Variants in NAALADL2 observed in about 807,000 individuals in gnomAD.
The protein encoded by NAALADL2 is N-acetylated alpha-linked acidic dipeptidase like 2.
A neutral mutation model predicts 87.2 loss-of-function variants in NAALADL2; 76 were observed. The observed-to-expected ratio is 0.87, with a 90% CI of 0.72 to 1.05. The LOEUF (loss-of-function observed/expected upper bound fraction) is 1.05. NAALADL2 is among the 50% of genes least tolerant of loss of function. The pLI is 0.00. For missense variants in NAALADL2, 1,089 were observed against 945.8 expected (o/e 1.15, Z -1.99); for synonymous variants, 354 against 331.0 (o/e 1.07, Z -0.75).
intron 3 of NAALADL2, among the ~76,000 whole-genome samples, chr3:174,741,668 T>C (rs957201275): frequency 6.6e-6 from 1 of 151,610 alleles, no homozygotes; most frequent in African/African-American, 2.4e-5. Flanking sequence ...GGGGAAAAAC[T>C]CCAACTCATT....
At chr3:175,478,518 C>A (rs1053965662) in intron 9 of NAALADL2, among the ~76,000 whole-genome samples, 6 of 151,854 alleles carry the variant, frequency 4.0e-5, no homozygotes, top group Non-Finnish European at 5.9e-5. Context: ...TAGTGAGATT[C>A]TGCTTAAAAC....
chr3:174,882,471 G>A (rs1471457864), intron 1 of NAALADL2, among the ~76,000 whole-genome samples: 1 of 150,660 alleles, frequency 6.6e-6, no homozygotes, highest in South Asian at 2.1e-4. Flanking sequence ...ATATACATAT[G>A]TGTATGCATA....
rs1380728094 is a variant in NAALADL2 at position 175,805,954 on chromosome 3, T to C, written c.*2751T>C. ...TATCAATTACCCCCACCAGATATAG[T>C]AACTAAACCCAAAGTGAGTAAGAAA... On this transcript the variant is annotated 3_prime_UTR_variant, in exon 14 of 14. Coordinates refer to ENST00000454872, the MANE Select transcript of NAALADL2 (RefSeq NM_207015.3). The C allele has an allele frequency of 6.6e-6, 1 of 151,898 alleles. No homozygotes were observed. The highest frequency in any genetic ancestry group is 1.5e-5 in the Non-Finnish European group (1 of 67,882). 9.4% of individuals were successfully genotyped at this position (151,898 alleles called of 1,614,324 possible). A position where few individuals can be genotyped will look rare whatever the true frequency, so the allele number is the denominator to read the frequency against.
chr3:175,664,160 T>A (rs1332004518), intron 11 of NAALADL2, among the ~76,000 whole-genome samples: 1 of 152,078 alleles, frequency 6.6e-6, no homozygotes, highest in African/African-American at 2.4e-5. Context: ...ACGCTCATGC[T>A]CATAGTTATC....
intron 3 of NAALADL2, among the ~76,000 whole-genome samples, chr3:174,739,506 G>A (rs1359811306): frequency 6.6e-6 from 1 of 151,956 alleles, no homozygotes; most frequent in Admixed American, 6.6e-5. Context: ...TACTTATAGA[G>A]CTTTTCAGTT....
intron 2 of NAALADL2, among the ~76,000 whole-genome samples, chr3:174,590,405 G>T (rs1717236990): frequency 6.6e-6 from 1 of 151,982 alleles, no homozygotes; most frequent in African/African-American, 2.4e-5. Context: ...GGCTTGCATG[G>T]ATTTTTTTTG....
chr3:174,882,625 A>G (rs868222486), intron 1 of NAALADL2, among the ~76,000 whole-genome samples: 11 of 89,670 alleles, frequency 1.2e-4, no homozygotes, highest in African/African-American at 4.5e-4. Flanking sequence ...ATATGCATAT[A>G]TGTGCATATA....
At chr3:175,628,643 T>C (rs1727339907) in intron 11 of NAALADL2, among the ~76,000 whole-genome samples, 1 of 130,802 alleles carries the variant, frequency 7.6e-6, no homozygotes, top group African/African-American at 2.9e-5. Context: ...ATATGAATTA[T>C]TTATATTTTT....
intron 2 of NAALADL2, among the ~76,000 whole-genome samples, chr3:174,735,855 G>C (rs759027351): frequency 6.6e-6 from 1 of 152,150 alleles, no homozygotes; most frequent in Non-Finnish European, 1.5e-5. Flanking sequence ...CACTGGGCTC[G>C]TTCTGCCCAC....
At chr3:175,615,718 C>A (rs1004838685) in intron 10 of NAALADL2, among the ~76,000 whole-genome samples, 14 of 151,558 alleles carry the variant, frequency 9.2e-5, no homozygotes, top group African/African-American at 3.4e-4. Context: ...ATCAGCCAGG[C>A]GTGTGGCACG....
chr3:175,027,482 A>G (rs1398898344), intron 1 of NAALADL2, among the ~76,000 whole-genome samples: 1 of 152,148 alleles, frequency 6.6e-6, no homozygotes, highest in African/African-American at 2.4e-5. Flanking sequence ...TATGTAATAC[A>G]ATAAGTTCAA....
At chr3:175,745,735 A>G (rs191601223) in intron 12 of NAALADL2, among the ~76,000 whole-genome samples, 2 of 152,308 alleles carry the variant, frequency 1.3e-5, no homozygotes, top group African/African-American at 2.4e-5. Context: ...GGAAGGTATC[A>G]AAAACAAATA....
chr3:175,521,864 T>C lies in NAALADL2; in HGVS notation c.1653+50106T>C, dbSNP rs554139004. On this transcript the variant is annotated intron_variant, in intron 9 of 13. Coordinates refer to ENST00000454872, the MANE Select transcript of NAALADL2 (RefSeq NM_207015.3). ...GTCAGTTGTTTTAAGCCATGCAGTT[T>C]GCAGTGCTTTGTCACATCAGCCCTA... 5.3e-4 allele frequency among the ~76,000 whole-genome samples: 80 copies of C among 152,308 alleles called. No individual in the cohort carries two copies. The South Asian group carries it at 0.016, about 31-fold the overall frequency.
chr3:174,922,975 A>G (rs1735456734), intron 1 of NAALADL2, among the ~76,000 whole-genome samples: 1 of 152,192 alleles, frequency 6.6e-6, no homozygotes, highest in African/African-American at 2.4e-5. Flanking sequence ...CTTGTTCATT[A>G]GAAAGTATCT....
intron 1 of NAALADL2, chr3:174,540,830 A>G (rs1023867776): frequency 6.6e-6 from 1 of 152,196 alleles, no homozygotes; most frequent in East Asian, 1.9e-4. Flanking sequence ...GTTGCCTTGG[A>G]GACTAAGAAC....
intron 1 of NAALADL2, among the ~76,000 whole-genome samples, chr3:175,016,503 C>T (rs79982796): frequency 0.023 from 3,486 of 151,192 alleles, 54 homozygotes; most frequent in Non-Finnish European, 0.034. Context: ...GGGGTTATCA[C>T]TGAGGTATTG....
intron 9 of NAALADL2, among the ~76,000 whole-genome samples, chr3:175,537,096 A>G (rs1734922983): frequency 6.6e-6 from 1 of 152,244 alleles, no homozygotes; most frequent in Non-Finnish European, 1.5e-5. Context: ...TCACAAAAAT[A>G]GGCACTATTA....
At chr3:174,870,795 A>G (rs977693113) in intron 1 of NAALADL2, among the ~76,000 whole-genome samples, 1 of 152,180 alleles carries the variant, frequency 6.6e-6, no homozygotes, top group African/African-American at 2.4e-5. Context: ...AAAATTACTG[A>G]CTTAAATTTT....
intron 9 of NAALADL2, among the ~76,000 whole-genome samples, chr3:175,491,664 C>A (rs892704813): frequency 5.3e-5 from 8 of 152,122 alleles, no homozygotes; most frequent in African/African-American, 1.9e-4. Flanking sequence ...AAATGTACTA[C>A]ACTATAAAAT....
Sources: allele counts gnomAD v4.1 joint callset (sites outside exome capture counted in the v4.1 genomes callset), GRCh38; gene constraint gnomAD v4.1.1; transcripts MANE v1.5; gene names NCBI Gene and HGNC (gene_info 2026-07-23, HGNC 2026-07-21).